TSHZ2: variants seen among roughly 807,000 people sequenced by gnomAD.
TSHZ2 encodes teashirt zinc finger homeobox 2, also known as teashirt homolog 2.
A neutral mutation model predicts 74.4 loss-of-function variants in TSHZ2; 21 were observed. That is an observed-to-expected ratio of 0.28 (90% CI 0.20 to 0.41). The LOEUF is 0.41. Among genes scored for constraint, TSHZ2 ranks in the 10% least tolerant of loss-of-function variants. The probability of loss-of-function intolerance (pLI) is 1.00; values close to 1 mark genes in which losing one functional copy is unlikely to be tolerated. For synonymous variants in TSHZ2, 540 were observed against 515.3 expected, an observed-to-expected ratio of 1.05 and a Z score of -0.65; for missense variants, 1,244 against 1,293.5, an observed-to-expected ratio of 0.96 and a Z score of 0.59.
chr20:53,481,043 G>GAAA lies in TSHZ2; in HGVS notation c.*9-6094_*9-6092dup, dbSNP rs3042259. On this transcript the variant is annotated intron_variant, in intron 2 of 2. Transcript: ENST00000371497. ...TTTATAGTAGTAGCTCAATATATTA[G>GAAA]AAAAAAAAATGCAGCAGCAAAGCCC... Among the ~76,000 whole-genome samples the GAAA allele has an allele frequency of 5.8e-3, 881 of 151,304 alleles. 4 individuals carry two copies. The highest frequency in any genetic ancestry group is 0.034 in the Middle Eastern group (10 of 294).
intron 1 of TSHZ2, among the ~76,000 whole-genome samples, chr20:53,052,008 A>G (rs1388533269): frequency 1.3e-5 from 2 of 152,148 alleles, no homozygotes; most frequent in Non-Finnish European, 2.9e-5. Flanking sequence ...GCAATTTATC[A>G]TCTGGAACAT....
chr20:53,369,831 T>A lies in TSHZ2; in HGVS notation c.*8+113260T>A, dbSNP rs571188895. Among the ~76,000 whole-genome samples the A allele has an allele frequency of 2.0e-5, 3 of 152,326 alleles. No homozygotes were observed. The South Asian group carries it at 6.2e-4, about 32-fold the overall frequency. On this transcript the variant is annotated intron_variant, in intron 2 of 2. Coordinates refer to ENST00000371497, the MANE Select transcript of TSHZ2 (RefSeq NM_173485.6). The stretch of plus-strand genomic sequence containing the variant: ...GGCAATGAGGTTTTCAACGACCTCA[T>A]GAAAAGCTTGTTAGGGCCAGCATAG...
chr20:53,338,703 A>G (rs422340), intron 2 of TSHZ2, among the ~76,000 whole-genome samples: 2 of 152,004 alleles, frequency 1.3e-5, no homozygotes, highest in African/African-American at 4.8e-5. Context: ...CCAAATGTTA[A>G]GAGTACTCAG....
At chr20:53,051,057 A>T (rs1057501975) in intron 1 of TSHZ2, among the ~76,000 whole-genome samples, 2 of 152,174 alleles carry the variant, frequency 1.3e-5, no homozygotes, top group African/African-American at 4.8e-5. Context: ...AGCATATTGT[A>T]GCTGGGCATG....
intron 1 of TSHZ2, among the ~76,000 whole-genome samples, chr20:53,252,771 C>T (rs767153868): frequency 3.3e-5 from 5 of 152,162 alleles, no homozygotes; most frequent in Non-Finnish European, 4.4e-5. Flanking sequence ...TCTTCACAAA[C>T]CTGTTTTAGA....
intron 2 of TSHZ2, among the ~76,000 whole-genome samples, chr20:53,436,553 T>A (rs1399079985): frequency 3.6e-5 from 5 of 138,616 alleles, no homozygotes; most frequent in South Asian, 2.4e-4. Context: ...TTATTATTTT[T>A]TTTTTTTTTT....
In TSHZ2 at chr20:53,120,835, G is replaced by A. The variant is rs530780334; in HGVS notation, c.41-132664G>A. On this transcript the variant is annotated intron_variant, in intron 1 of 2. Transcript: ENST00000371497. ...CAAGCCCTGAGTTGCATAATTTGCC[G>A]TATAAGTGAAATAGATACTTTTCCT... Among the ~76,000 whole-genome samples the A allele has an allele frequency of 1.4e-4, 21 of 152,302 alleles. No individual in the cohort carries two copies. The South Asian group carries it at 1.5e-3, about 11-fold the overall frequency.
chr20:53,470,016 TAGA>T (rs934456809), intron 2 of TSHZ2, among the ~76,000 whole-genome samples: 5 of 152,308 alleles, frequency 3.3e-5, no homozygotes, highest in Admixed American at 2.0e-4. Context: ...TGAGGTTTGA[TAGA>T]AGAAGAAAAA....
intron 1 of TSHZ2, among the ~76,000 whole-genome samples, chr20:53,023,023 C>G (rs551164577): frequency 4.6e-5 from 7 of 152,164 alleles, no homozygotes; most frequent in Admixed American, 2.0e-4. Context: ...GACTACCCCC[C>G]CACCCAGATC....
chr20:53,045,115 C>T (rs1181158844), intron 1 of TSHZ2, among the ~76,000 whole-genome samples: 9 of 152,212 alleles, frequency 5.9e-5, no homozygotes, highest in Admixed American at 5.9e-4. Context: ...TTACCACTCA[C>T]ACTCCATGCC....
chr20:53,445,644 T>C (rs1984518788), intron 2 of TSHZ2, among the ~76,000 whole-genome samples: 1 of 152,194 alleles, frequency 6.6e-6, no homozygotes, highest in Non-Finnish European at 1.5e-5. Context: ...TGGTACCCAA[T>C]GCCACAGCAC....
chr20:53,486,186 A>G (rs778129055), intron 2 of TSHZ2, among the ~76,000 whole-genome samples: 2 of 152,170 alleles, frequency 1.3e-5, no homozygotes, highest in Admixed American at 6.5e-5. Context: ...TTCACTTAGC[A>G]TAATATTCTC....
intron 2 of TSHZ2, among the ~76,000 whole-genome samples, chr20:53,317,070 G>A (rs2145513464): frequency 6.6e-6 from 1 of 152,288 alleles, no homozygotes; most frequent in South Asian, 2.1e-4. Context: ...GTGTGAGAAA[G>A]CAGTGTGGTG....
At chr20:53,024,619 T>C (rs1452112596) in intron 1 of TSHZ2, among the ~76,000 whole-genome samples, 1 of 151,938 alleles carries the variant, frequency 6.6e-6, no homozygotes, top group Non-Finnish European at 1.5e-5. Flanking sequence ...TTACATTAGG[T>C]ATTTCTCCTA....
At chr20:53,357,311 C>G (rs1461072707) in intron 2 of TSHZ2, among the ~76,000 whole-genome samples, 1 of 151,964 alleles carries the variant, frequency 6.6e-6, no homozygotes, top group African/African-American at 2.4e-5. Context: ...TTCTTATAAT[C>G]TGGGCTTACT....
At chr20:53,087,732 C>G (rs2123250571) in intron 1 of TSHZ2, among the ~76,000 whole-genome samples, 1 of 152,312 alleles carries the variant, frequency 6.6e-6, no homozygotes, top group South Asian at 2.1e-4. Context: ...AGTAGTATGT[C>G]TATTGATTCG....
At chr20:53,116,833 G>A (rs1023771023) in intron 1 of TSHZ2, among the ~76,000 whole-genome samples, 1 of 152,136 alleles carries the variant, frequency 6.6e-6, no homozygotes, top group African/African-American at 2.4e-5. Context: ...TAGTGTCTTA[G>A]TCAGTCTGGG....
chr20:53,358,967 T>C (rs1449248092), intron 2 of TSHZ2, among the ~76,000 whole-genome samples: 1 of 152,202 alleles, frequency 6.6e-6, no homozygotes, highest in African/African-American at 2.4e-5. Flanking sequence ...CAAATGTCTA[T>C]TGTGAACACA....
intron 1 of TSHZ2, among the ~76,000 whole-genome samples, chr20:53,021,378 C>T (rs1983240514): frequency 2.0e-5 from 3 of 152,264 alleles, no homozygotes; most frequent in Admixed American, 1.3e-4. Context: ...CTGTGTTTAG[C>T]AAGCCTCACT....
Sources: allele counts gnomAD v4.1 joint callset (sites outside exome capture counted in the v4.1 genomes callset), GRCh38; gene constraint gnomAD v4.1.1; transcripts MANE v1.5; gene names NCBI Gene and HGNC (gene_info 2026-07-23, HGNC 2026-07-21).